ZDHHC21: variants seen among roughly 807,000 people sequenced by gnomAD.
ZDHHC21 encodes zDHHC palmitoyltransferase 21.
ZDHHC21 carries 15 observed loss-of-function variants against 34.6 expected under a neutral mutation model. That is an observed-to-expected ratio of 0.43 (90% CI 0.29 to 0.67). The LOEUF (loss-of-function observed/expected upper bound fraction) is 0.67. Among genes scored for constraint, ZDHHC21 ranks in the 30% least tolerant of loss-of-function variants. The probability of loss-of-function intolerance (pLI) is 0.14; values close to 1 mark genes in which losing one functional copy is unlikely to be tolerated. For synonymous variants in ZDHHC21, 142 were observed against 101.8 expected (o/e 1.40, Z -2.38); for missense variants, 344 against 327.7 (o/e 1.05, Z -0.38).
At position 14,658,900 on chromosome 9, in the gene ZDHHC21, A is replaced by C. The variant is rs757172650; in HGVS notation, c.366-13T>G. On this transcript the variant is annotated splice_polypyrimidine_tract_variant and intron_variant, in intron 6 of 9. Coordinates refer to ENST00000380916, the MANE Select transcript of ZDHHC21 (RefSeq NM_178566.6). ...ACAATTGTTAATCCTAAAGAAAAAA[A>C]ATGAAAAAGAAACAATATTTTAAAT... is the stretch of plus-strand genomic sequence containing the variant. 2.8e-5 allele frequency: 45 copies of C among 1,594,388 alleles called. No individual in the cohort carries two copies. In the African/African-American group the frequency reaches 6.0e-4, roughly 21 times the overall value.
intron 7 of ZDHHC21, among the ~76,000 whole-genome samples, chr9:14,650,917 T>C (rs551767273): frequency 9.2e-5 from 14 of 152,066 alleles, no homozygotes; most frequent in African/African-American, 3.1e-4. Flanking sequence ...ACGCAGTTAG[T>C]ATGCTTTTCC....
chr9:14,661,980 G>C (rs1410459755), intron 6 of ZDHHC21, among the ~76,000 whole-genome samples: 1 of 151,164 alleles, frequency 6.6e-6, no homozygotes, highest in Non-Finnish European at 1.5e-5. Context: ...ATATCAGGCT[G>C]CAGTTAATTC....
rs1240655593 is a variant in ZDHHC21, at chr9:14,611,384, T to C, written c.*7582A>G. The C allele has an allele frequency of 6.6e-6, 1 of 151,950 alleles. No homozygotes were observed. Among genetic ancestry groups the C allele is most frequent in the East Asian group, 1.9e-4 (1 of 5,182 alleles). 9.4% of individuals were successfully genotyped at this position (151,950 alleles called of 1,614,324 possible). Reference sequence around the variant, plus strand: ...TCTTCTCAAACTATTCTTACATCTCTCAACTACTATTTTCCTAATTACCAT... The same window carrying C: ...TCTTCTCAAACTATTCTTACATCTCCCAACTACTATTTTCCTAATTACCAT... On this transcript the variant is annotated 3_prime_UTR_variant, in exon 10 of 10. Transcript: ENST00000380916.
At chr9:14,604,820 G>A in the ZDHHC21 span, among the ~76,000 whole-genome samples, 3 of 152,210 alleles carry the variant, frequency 2.0e-5, no homozygotes, top group South Asian at 2.1e-4. Context: ...CAGAGCTCTA[G>A]AACTTTTTAA....
the ZDHHC21 span, among the ~76,000 whole-genome samples, chr9:14,596,995 G>A: frequency 2.0e-5 from 3 of 152,140 alleles, no homozygotes; most frequent in South Asian, 2.1e-4. Context: ...CCGGGAAAAG[G>A]TAAGTGAGAG....
At chr9:14,597,234 T>C in the ZDHHC21 span, among the ~76,000 whole-genome samples, 3 of 152,004 alleles carry the variant, frequency 2.0e-5, no homozygotes, top group South Asian at 6.2e-4. Flanking sequence ...CATTCTTCCC[T>C]AGGGCCCAAC....
intron 2 of ZDHHC21, among the ~76,000 whole-genome samples, chr9:14,687,379 A>T (rs1446104573): frequency 6.6e-6 from 1 of 150,732 alleles, no homozygotes; most frequent in African/African-American, 2.5e-5. Flanking sequence ...TGGTAATAAA[A>T]GTAATGCTGG....
chr9:14,601,561 G>C, the ZDHHC21 span, among the ~76,000 whole-genome samples: 1 of 152,166 alleles, frequency 6.6e-6, no homozygotes, highest in Non-Finnish European at 1.5e-5. Context: ...GTGTAAATTA[G>C]TTCAACAATT....
chr9:14,602,250 G>A, the ZDHHC21 span, among the ~76,000 whole-genome samples: 3 of 151,836 alleles, frequency 2.0e-5, no homozygotes, highest in African/African-American at 7.3e-5. Flanking sequence ...AGATCAAGCA[G>A]AAGAAAGAAT....
chr9:14,677,336 T>C (rs1836601935), intron 3 of ZDHHC21: 4 of 151,988 alleles, frequency 2.6e-5, no homozygotes, highest in Admixed American at 2.6e-4. Flanking sequence ...TCCTCTCAAT[T>C]GGGTCGTAGA....
rs143588638 is a variant in ZDHHC21, at chr9:14,612,843, TACACACACACACACACACACACACAC to T, written c.*6097_*6122del. ...ATTATTCTTTAAAGCCACTAAAGAT[TACACACACACACACACACACACACAC>T]ACACACACACACGCTGAACTCGATT... is the stretch of plus-strand genomic sequence containing the variant. On this transcript the variant is annotated 3_prime_UTR_variant, in exon 10 of 10. Transcript: ENST00000380916. The T allele has an allele frequency of 7.0e-6, 1 of 143,250 alleles. No homozygotes were observed. Among genetic ancestry groups the T allele is most frequent in the Non-Finnish European group, 1.5e-5 (1 of 65,202 alleles). The allele number at this position is 143,250 out of a possible 1,614,324, so 8.9% of individuals were successfully genotyped here. A position where few individuals can be genotyped will look rare whatever the true frequency, so the allele number is the denominator to read the frequency against.
intron 5 of ZDHHC21, among the ~76,000 whole-genome samples, chr9:14,664,068 G>T (rs919253948): frequency 6.6e-6 from 1 of 152,096 alleles, no homozygotes; most frequent in African/African-American, 2.4e-5. Flanking sequence ...CGCAGAAGAC[G>T]GGTGATTTCT....
At chr9:14,649,345 C>T (rs529199116) in intron 7 of ZDHHC21, among the ~76,000 whole-genome samples, 1 of 152,056 alleles carries the variant, frequency 6.6e-6, no homozygotes, top group Non-Finnish European at 1.5e-5. Flanking sequence ...TTCAAAATAA[C>T]TAAATAACCA....
chr9:14,626,211 T>C (rs1826178837), intron 8 of ZDHHC21, among the ~76,000 whole-genome samples: 1 of 151,934 alleles, frequency 6.6e-6, no homozygotes, highest in Non-Finnish European at 1.5e-5. Context: ...GGAATAATAA[T>C]ATATCAATAA....
At chr9:14,641,749 A>G (rs1829416897) in intron 7 of ZDHHC21, among the ~76,000 whole-genome samples, 1 of 152,234 alleles carries the variant, frequency 6.6e-6, no homozygotes, top group South Asian at 2.1e-4. Context: ...CTTCCATAAG[A>G]AAACTTCAGG....
At chr9:14,660,388 A>AC (rs1182920738) in intron 6 of ZDHHC21, among the ~76,000 whole-genome samples, 2 of 149,712 alleles carry the variant, frequency 1.3e-5, no homozygotes, top group South Asian at 4.3e-4. Flanking sequence ...AAAAAAAAAA[A>AC]AAAAAAGAAT....
chr9:14,686,497 T>G (rs1206021675), intron 2 of ZDHHC21, among the ~76,000 whole-genome samples: 3 of 152,232 alleles, frequency 2.0e-5, no homozygotes, highest in African/African-American at 7.2e-5. Flanking sequence ...ATTATTACAT[T>G]TCTTTTCCCT....
intron 8 of ZDHHC21, among the ~76,000 whole-genome samples, chr9:14,629,261 T>C (rs567891527): frequency 6.9e-4 from 105 of 152,294 alleles, no homozygotes; most frequent in African/African-American, 2.2e-3. Flanking sequence ...ATTCAACAAA[T>C]GTGGTTTCCA....
intron 7 of ZDHHC21, among the ~76,000 whole-genome samples, chr9:14,651,390 A>T (rs1831217527): frequency 6.6e-6 from 1 of 151,872 alleles, no homozygotes; most frequent in African/African-American, 2.4e-5. Context: ...GAGTTTGAAT[A>T]GGATTTAGTA....
Sources: allele counts gnomAD v4.1 joint callset (sites outside exome capture counted in the v4.1 genomes callset), GRCh38; gene constraint gnomAD v4.1.1; transcripts MANE v1.5; gene names NCBI Gene and HGNC (gene_info 2026-07-23, HGNC 2026-07-21).